Variants in EPM2A observed in about 807,000 individuals in gnomAD.
EPM2A encodes EPM2A glucan phosphatase, laforin, also known as laforin.
A neutral mutation model predicts 26.5 loss-of-function variants in EPM2A; 21 were observed. The observed-to-expected ratio is 0.79, with a 90% CI of 0.56 to 1.14. The LOEUF is 1.14. Ranked by LOEUF, EPM2A falls within the 50% of genes most tolerant of loss-of-function variation. The pLI, the probability that EPM2A is intolerant of heterozygous loss-of-function variation, is 0.00. For synonymous variants in EPM2A, 217 were observed against 177.6 expected (o/e 1.22, Z -1.76); for missense variants, 458 against 440.8 (o/e 1.04, Z -0.35).
intron 2 of EPM2A, among the ~76,000 whole-genome samples, chr6:145,527,996 C>G (rs878973592): frequency 6.6e-6 from 1 of 151,864 alleles, no homozygotes. Context: ...AAAAGTTTTA[C>G]AAGTCTGAAT....
chr6:145,627,787 T>C, intron 3 of EPM2A, 94 bp from the exon 4 acceptor site: 1 of 1,535,866 alleles, frequency 6.5e-7, no homozygotes, highest in Non-Finnish European at 8.8e-7. Context: ...ATCACAGGGC[T>C]GCACAGGGCC....
intron 2 of EPM2A, among the ~76,000 whole-genome samples, chr6:145,658,194 T>C (rs570534007): frequency 1.3e-5 from 2 of 152,376 alleles, no homozygotes; most frequent in Non-Finnish European, 2.9e-5. Context: ...TAGTAAATAC[T>C]GCCTGCATCT....
intron 4 of EPM2A, among the ~76,000 whole-genome samples, chr6:145,441,051 T>C (rs113400798): frequency 1.6e-3 from 237 of 152,336 alleles, no homozygotes; most frequent in African/African-American, 5.2e-3. Context: ...GCAGAGGTTC[T>C]CCATGAGGGC....
intron 2 of EPM2A, among the ~76,000 whole-genome samples, chr6:145,648,483 A>G (rs970299715): frequency 3.3e-5 from 5 of 152,224 alleles, no homozygotes; most frequent in African/African-American, 9.6e-5. Flanking sequence ...GACCATAACC[A>G]TAAGTTCCAT....
At position 145,627,043 on chromosome 6, in the gene EPM2A, A is replaced by G. The variant is rs2128555637; in HGVS notation, c.*373T>C. ...CATAACTCCATATCTTTTCCTCTAC[A>G]TGGCCAAGAGTTTCAGTGCAACAGG... On this transcript the variant is annotated 3_prime_UTR_variant, in exon 4 of 4. Coordinates refer to ENST00000367519, the MANE Select transcript of EPM2A (RefSeq NM_005670.4). The G allele has an allele frequency of 1.7e-6, 2 of 1,160,226 alleles. No homozygotes were observed. The highest frequency in any genetic ancestry group is 3.9e-4 in the Middle Eastern group (1 of 2,582). The allele number at this position is 1,160,226 out of a possible 1,614,324, so 71.9% of individuals were successfully genotyped here. A position where few individuals can be genotyped will look rare whatever the true frequency, so the allele number is the denominator to read the frequency against.
intron 2 of EPM2A, among the ~76,000 whole-genome samples, chr6:145,538,920 C>G (rs1293041927): frequency 6.6e-6 from 1 of 152,182 alleles, no homozygotes; most frequent in Non-Finnish European, 1.5e-5. Context: ...ATACATTGCA[C>G]AGCTTTTGTT....
intron 2 of EPM2A, among the ~76,000 whole-genome samples, chr6:145,562,968 G>T (rs1305513567): frequency 6.6e-6 from 1 of 151,144 alleles, no homozygotes; most frequent in Admixed American, 6.6e-5. Context: ...CTCAAAACTG[G>T]TTTCAATGTG....
chr6:145,625,478 T>G lies in EPM2A; in HGVS notation c.*1938A>C. 1 of 544,986 alleles carries G rather than the reference T, an allele frequency of 1.8e-6. No individual in the cohort carries two copies. The highest frequency in any genetic ancestry group is 1.9e-5 in the African/African-American group (1 of 53,164). The allele number at this position is 544,986 out of a possible 1,614,324, so 33.8% of individuals were successfully genotyped here. A position where few individuals can be genotyped will look rare whatever the true frequency, so the allele number is the denominator to read the frequency against. On this transcript the variant is annotated 3_prime_UTR_variant, in exon 4 of 4. Coordinates refer to ENST00000367519, the MANE Select transcript of EPM2A (RefSeq NM_005670.4). ...GTAAAAATCCACCTGAAAAAAGATC[T>G]TTGTATCATGGAAATTATGAAGCTG...
intron 2 of EPM2A, among the ~76,000 whole-genome samples, chr6:145,534,663 T>A (rs1780406620): frequency 6.6e-6 from 1 of 152,234 alleles, no homozygotes; most frequent in Non-Finnish European, 1.5e-5. Context: ...ATGCACTAGC[T>A]CTCCTCCCTT....
At chr6:145,395,176 G>T (rs1260706659) in intron 4 of EPM2A, among the ~76,000 whole-genome samples, 1 of 152,070 alleles carries the variant, frequency 6.6e-6, no homozygotes, top group Non-Finnish European at 1.5e-5. Flanking sequence ...ACTTACTACA[G>T]AGCTTGCGTT....
intron 2 of EPM2A, among the ~76,000 whole-genome samples, chr6:145,601,289 G>GT (rs749148194): frequency 6.6e-6 from 1 of 151,992 alleles, no homozygotes; most frequent in African/African-American, 2.4e-5. Flanking sequence ...TTCACCTGTT[G>GT]TTTTTCCCCT....
intron 4 of EPM2A, among the ~76,000 whole-genome samples, chr6:145,443,325 T>C (rs1273424039): frequency 6.6e-6 from 1 of 152,198 alleles, no homozygotes; most frequent in Non-Finnish European, 1.5e-5. Context: ...TTGGGCAGTA[T>C]AGCCATTTTA....
chr6:145,393,458 A>T (rs1257082114), intron 4 of EPM2A, among the ~76,000 whole-genome samples: 1 of 152,184 alleles, frequency 6.6e-6, no homozygotes, highest in Non-Finnish European at 1.5e-5. Context: ...GATCATCATA[A>T]AGAAAACTAA....
chr6:145,695,248 T>C (rs1422758925), intron 1 of EPM2A, among the ~76,000 whole-genome samples: 1 of 152,002 alleles, frequency 6.6e-6, no homozygotes, highest in African/African-American at 2.4e-5. Flanking sequence ...TTACAGGTAA[T>C]GTTTTATGTA....
intron 4 of EPM2A, among the ~76,000 whole-genome samples, chr6:145,488,383 T>C (rs1013420839): frequency 2.0e-5 from 3 of 152,154 alleles, no homozygotes; most frequent in Non-Finnish European, 4.4e-5. Context: ...AGGAATAACA[T>C]TGAAGCTATG....
chr6:145,528,022 C>T (rs1780302753), intron 2 of EPM2A, among the ~76,000 whole-genome samples: 1 of 152,076 alleles, frequency 6.6e-6, no homozygotes, highest in South Asian at 2.1e-4. Flanking sequence ...TTCAAACTAG[C>T]CACAACATTC....
intron 2 of EPM2A, among the ~76,000 whole-genome samples, chr6:145,653,049 A>C (rs1019120222): frequency 6.6e-6 from 1 of 152,248 alleles, no homozygotes; most frequent in Non-Finnish European, 1.5e-5. Flanking sequence ...GGAAAGAGAA[A>C]GTAAGACAAG....
intron 2 of EPM2A, among the ~76,000 whole-genome samples, chr6:145,579,175 A>G (rs542670669): frequency 6.6e-6 from 1 of 152,156 alleles, no homozygotes; most frequent in Non-Finnish European, 1.5e-5. Flanking sequence ...AAAAGAAAAA[A>G]TAATTTGCCT....
chr6:145,519,206 T>A (rs964836871), intron 2 of EPM2A, among the ~76,000 whole-genome samples: 5 of 152,168 alleles, frequency 3.3e-5, no homozygotes, highest in African/African-American at 1.2e-4. Flanking sequence ...TCTTGATAGT[T>A]GATTAGGAAA....
Sources: gnomAD v4.1 joint callset for allele counts (sites outside exome capture counted in the v4.1 genomes callset) on GRCh38, gnomAD v4.1.1 for gene constraint, MANE v1.5 for transcripts, NCBI Gene and HGNC (gene_info 2026-07-23, HGNC 2026-07-21) for gene names.